The following NRG1 variants were observed in gnomAD, a reference collection of about 807,000 sequenced individuals.
NRG1 encodes pro-neuregulin-1, membrane-bound isoform.
Under a neutral mutation model 63.8 loss-of-function variants are expected in NRG1, and 18 were observed. The observed-to-expected ratio is 0.28, with a 90% CI of 0.19 to 0.42. The LOEUF (loss-of-function observed/expected upper bound fraction) is 0.42, where lower values mean the gene tolerates loss of function less well. NRG1 is among the 10% of genes least tolerant of loss of function. The pLI, the probability that NRG1 is intolerant of heterozygous loss-of-function variation, is 1.00. For missense variants in NRG1, 762 were observed against 814.7 expected, an observed-to-expected ratio of 0.94 and a Z score of 0.79; for synonymous variants, 302 against 301.3, an observed-to-expected ratio of 1.00 and a Z score of -0.02.
At chr8:32,017,520 C>T (rs1282619424) in intron 1 of NRG1, among the ~76,000 whole-genome samples, 1 of 152,044 alleles carries the variant, frequency 6.6e-6, no homozygotes, top group African/African-American at 2.4e-5. Context: ...AGGCTCAGTC[C>T]CACAAGACCA....
At chr8:32,498,489 G>A (rs1192937986) in intron 1 of NRG1, among the ~76,000 whole-genome samples, 3 of 152,080 alleles carry the variant, frequency 2.0e-5, no homozygotes, top group Non-Finnish European at 2.9e-5. Context: ...GAGCAAAAAG[G>A]GGAAAAGCCC....
chr8:32,181,997 G>A (rs1388505802), intron 1 of NRG1, among the ~76,000 whole-genome samples: 1 of 152,154 alleles, frequency 6.6e-6, no homozygotes, highest in Non-Finnish European at 1.5e-5. Flanking sequence ...TTATCAGTAA[G>A]TAGCATGAAT....
intron 5 of NRG1, among the ~76,000 whole-genome samples, chr8:32,708,572 T>A (rs1284937704): frequency 1.3e-5 from 2 of 152,242 alleles, no homozygotes; most frequent in Non-Finnish European, 2.9e-5. Context: ...GCTCTGCTAT[T>A]TTCCACCTGT....
chr8:32,530,954 C>T (rs755693768), intron 1 of NRG1, among the ~76,000 whole-genome samples: 4 of 152,072 alleles, frequency 2.6e-5, no homozygotes, highest in Non-Finnish European at 5.9e-5. Context: ...AAAAATTAGC[C>T]AGACATGGTG....
At chr8:32,705,788 G>A (rs560009419) in intron 5 of NRG1, among the ~76,000 whole-genome samples, 13 of 152,288 alleles carry the variant, frequency 8.5e-5, no homozygotes, top group Non-Finnish European at 1.8e-4. Flanking sequence ...AGAACTTCAA[G>A]GTTGGAAGAT....
intron 5 of NRG1, among the ~76,000 whole-genome samples, chr8:32,691,670 G>T (rs772874192): frequency 6.6e-6 from 1 of 152,120 alleles, no homozygotes; most frequent in Non-Finnish European, 1.5e-5. Context: ...TGAAACTTTG[G>T]GAAAATGTAA....
intron 1 of NRG1, among the ~76,000 whole-genome samples, chr8:32,369,517 C>T (rs1030902430): frequency 7.9e-5 from 12 of 152,204 alleles, no homozygotes; most frequent in Admixed American, 5.2e-4. Flanking sequence ...TGGCTCACAG[C>T]GAACGTGGTG....
chr8:32,439,241 G>T (rs1370324049), intron 1 of NRG1, among the ~76,000 whole-genome samples: 4 of 152,058 alleles, frequency 2.6e-5, no homozygotes, highest in Admixed American at 6.6e-5. Flanking sequence ...CTAATCTTTA[G>T]TTGTACATTT....
chr8:32,545,761 C>T (rs927682561), upstream of NRG1, among the ~76,000 whole-genome samples: 1 of 151,972 alleles, frequency 6.6e-6, no homozygotes, highest in African/African-American at 2.4e-5. Context: ...TAGAAAAAAA[C>T]CTTTTTGGAC....
intron 1 of NRG1, among the ~76,000 whole-genome samples, chr8:32,432,968 CTG>C (rs1818334057): frequency 6.6e-6 from 1 of 152,116 alleles, no homozygotes; most frequent in Non-Finnish European, 1.5e-5. Context: ...AGTTTGATGA[CTG>C]TGTATTTGTC....
At chr8:32,272,343 C>T (rs1851635758) in intron 1 of NRG1, among the ~76,000 whole-genome samples, 2 of 152,148 alleles carry the variant, frequency 1.3e-5, no homozygotes, top group Admixed American at 1.3e-4. Flanking sequence ...CATGGGGGCC[C>T]AACCCTCATG....
At chr8:32,509,324 G>T (rs1828909815) in intron 1 of NRG1, among the ~76,000 whole-genome samples, 1 of 150,556 alleles carries the variant, frequency 6.6e-6, no homozygotes, top group African/African-American at 2.4e-5. Flanking sequence ...AAATTCCCAG[G>T]CTCAAATGAA....
At chr8:32,763,933 G>T (rs368973399) in exon 12 of NRG1, 11 of 1,613,882 alleles carry the variant, frequency 6.8e-6, no homozygotes, top group African/African-American at 1.3e-5. Context: ...ACACCACCAA[G>T]GCTGCGGGAG....
intron 1 of NRG1, among the ~76,000 whole-genome samples, chr8:32,297,156 T>C (rs534222528): frequency 1.3e-5 from 2 of 152,220 alleles, no homozygotes; most frequent in South Asian, 4.1e-4. Flanking sequence ...GAGTATTCCA[T>C]TTCTGTGTCC....
chr8:31,985,733 A>G (rs976101217), intron 1 of NRG1, among the ~76,000 whole-genome samples: 1 of 152,094 alleles, frequency 6.6e-6, no homozygotes, highest in Non-Finnish European at 1.5e-5. Flanking sequence ...AAAATATCCA[A>G]TTTATTGGTT....
chr8:32,710,218 A>G (rs1246746191), intron 5 of NRG1, among the ~76,000 whole-genome samples: 1 of 152,236 alleles, frequency 6.6e-6, no homozygotes, highest in Non-Finnish European at 1.5e-5. Context: ...AAAGAAAATT[A>G]CAAGTCAACA....
At chr8:32,647,182 C>G (rs1035500631) in intron 5 of NRG1, 4 of 985,386 alleles carry the variant, frequency 4.1e-6, no homozygotes, top group Non-Finnish European at 4.8e-6. Context: ...TTTCAGCCGT[C>G]GTCGCGTTAA....
intron 1 of NRG1, among the ~76,000 whole-genome samples, chr8:31,739,222 T>C: frequency 6.6e-6 from 1 of 152,128 alleles, no homozygotes; most frequent in East Asian, 1.9e-4. Context: ...TTGTCATGGC[T>C]GGTCTTCACG....
intron 1 of NRG1, among the ~76,000 whole-genome samples, chr8:32,157,358 CA>C (rs11434397): frequency 0.1 from 5,842 of 58,538 alleles, 84 homozygotes; most frequent in Middle Eastern, 0.15. Flanking sequence ...GACTCTGTCT[CA>C]AAAAAAAAAA....
Sources: gnomAD v4.1 joint callset for allele counts (sites outside exome capture counted in the v4.1 genomes callset) on GRCh38, gnomAD v4.1.1 for gene constraint, MANE v1.5 for transcripts, NCBI Gene and HGNC (gene_info 2026-07-23, HGNC 2026-07-21) for gene names.